The following PPID variants were observed in gnomAD, a reference collection of about 807,000 sequenced individuals.
The protein encoded by PPID is peptidyl-prolyl cis-trans isomerase D.
PPID carries 47 observed loss-of-function variants against 48.1 expected under a neutral mutation model. That is an observed-to-expected ratio of 0.98 (90% confidence interval 0.77 to 1.25). The LOEUF (loss-of-function observed/expected upper bound fraction) is 1.25, where lower values mean the gene tolerates loss of function less well. Among genes scored for constraint, PPID ranks in the 50% most tolerant of loss-of-function variants. The pLI is 0.00. For missense variants in PPID, 429 were observed against 443.5 expected (o/e 0.97, Z 0.29); for synonymous variants, 163 against 148.8 (o/e 1.10, Z -0.69).
intron 1 of PPID, 96 bp downstream of exon 1, chr4:158,723,108 T>C (rs1347374641): frequency 7.9e-7 from 1 of 1,268,270 alleles, no homozygotes; most frequent in Non-Finnish European, 1.1e-6. Flanking sequence ...AACTGAGCAG[T>C]CACCGGCCGG....
In PPID at chr4:158,723,203, C is replaced by T. The variant is rs1449531698; in HGVS notation, c.85+1G>A. The stretch of plus-strand genomic sequence containing the variant: ...TTCCGCGAGCGTCAGACTCCGCTCA[C>T]CTCGCTCCCCTCCGATGTCCACGTC... On this transcript the variant is annotated splice_donor_variant, in intron 1 of 9. Coordinates refer to ENST00000307720, the MANE Select transcript of PPID (RefSeq NM_005038.3). LOFTEE classifies it high-confidence loss of function. The T allele has an allele frequency of 6.2e-7, 1 of 1,613,246 alleles. No homozygotes were observed. Among genetic ancestry groups the T allele is most frequent in the South Asian group, 1.1e-5 (1 of 90,972 alleles).
At chr4:158,721,537 TAAAA>T in intron 1 of PPID, 54 bp from the exon 2 acceptor site, 1 of 1,565,806 alleles carries the variant, frequency 6.4e-7, no homozygotes, top group Admixed American at 1.8e-5. Flanking sequence ...AGACAAATGA[TAAAA>T]AGAAGGTTGG....
rs1423052161 is a variant in PPID at position 158,715,508 on chromosome 4, A to T, written c.645+54T>A. ...AACAAAAGCTCAAACTTTTAGTACT[A>T]AATATTTTCACTTACTAAATTAATT... On this transcript the variant is annotated intron_variant, in intron 5 of 9. Coordinates refer to ENST00000307720, the MANE Select transcript of PPID (RefSeq NM_005038.3). 1.9e-6 allele frequency: 3 copies of T among 1,589,348 alleles called. No homozygotes were observed. In the African/African-American group the frequency reaches 4.1e-5, roughly 21 times the overall value.
intron 7 of PPID, 66 bp downstream of exon 7, chr4:158,713,053 G>A (rs1685514043): frequency 6.6e-7 from 1 of 1,512,316 alleles, no homozygotes; most frequent in African/African-American, 1.4e-5. Context: ...GTATATAAAA[G>A]TTGCTACTAT....
rs774428808 is a variant in PPID at position 158,721,421 on chromosome 4, C to T, written c.148G>A (p.Ala50Thr). Residue 50 changes from alanine to threonine, a missense_variant, in exon 2 of 10, where the codon GCA becomes ACA. Transcript: ENST00000307720. ...ATGCCTTTTTCTCCTGTACACAGTG[C>T]ACGAAAATTTTCCGCAGTTTTGGGT... is the stretch of plus-strand genomic sequence containing the variant. ...IVPKTAENFRALCTGEKGIGH... is the reference protein window; with the variant it reads ...IVPKTAENFRTLCTGEKGIGH... 5.0e-6 allele frequency: 8 copies of T among 1,613,952 alleles called. No homozygotes were observed. The African/African-American group carries it at 1.1e-4, about 22-fold the overall frequency.
intron 3 of PPID, among the ~76,000 whole-genome samples, chr4:158,718,319 T>G (rs1329652853): frequency 1.3e-5 from 2 of 152,212 alleles, no homozygotes; most frequent in Non-Finnish European, 2.9e-5. Flanking sequence ...ACAGCCCAAG[T>G]AGCCATTCCT....
At chr4:158,711,218 CT>C (rs1309798199) in intron 7 of PPID, among the ~76,000 whole-genome samples, 1 of 151,842 alleles carries the variant, frequency 6.6e-6, no homozygotes, top group Non-Finnish European at 1.5e-5. Flanking sequence ...GTTATAAACT[CT>C]TAAGTTTTTG....
intron 1 of PPID, among the ~76,000 whole-genome samples, chr4:158,722,054 C>T (rs1774971895): frequency 6.6e-6 from 1 of 152,182 alleles, no homozygotes; most frequent in South Asian, 2.1e-4. Context: ...ATACAAACTT[C>T]ATTTCCTTTG....
intron 9 of PPID, 108 bp downstream of exon 9, chr4:158,710,520 T>C (rs1191811220): frequency 2.5e-6 from 3 of 1,177,176 alleles, no homozygotes; most frequent in Non-Finnish European, 3.8e-6. Context: ...AGGCATTCTG[T>C]AGTGTCTGTT....
In PPID at chr4:158,715,280, G is replaced by A; in HGVS notation, c.752+17C>T. On this transcript the variant is annotated intron_variant, in intron 6 of 9. Transcript: ENST00000307720. ...ATTTATAATTTCTTAAAAATAATTT[G>A]TTAGAAATAATATTACCTTAAAACT... is the stretch of plus-strand genomic sequence containing the variant. 7.2e-7 allele frequency: 1 copy of A among 1,383,014 alleles called. No individual in the cohort carries two copies. Among genetic ancestry groups the A allele is most frequent in the Non-Finnish European group, 9.6e-7 (1 of 1,045,286 alleles). 85.7% of individuals were successfully genotyped at this position (1,383,014 alleles called of 1,614,324 possible).
At chr4:158,709,934 G>GT (rs1774755072) in intron 9 of PPID, 110 bp from the exon 10 acceptor site, 1 of 771,558 alleles carries the variant, frequency 1.3e-6, no homozygotes, top group African/African-American at 1.8e-5. Context: ...TCTCTACAAA[G>GT]TAACTAAGCC....
chr4:158,709,465 G>T lies in PPID; in HGVS notation c.*271C>A, dbSNP rs779050130. On this transcript the variant is annotated 3_prime_UTR_variant, in exon 10 of 10. Transcript: ENST00000307720. The stretch of plus-strand genomic sequence containing the variant: ...GAGAATTGCTTGAACCCGGGAGGCA[G>T]AGGATGCAGTGAGCCGAGATTGCGC... 116 of 234,636 alleles carry T rather than the reference G, an allele frequency of 4.9e-4. No homozygotes were observed. Among genetic ancestry groups the T allele is most frequent in the Admixed American group, 5.0e-4 (9 of 17,860 alleles). The allele number at this position is 234,636 out of a possible 1,614,324, so 14.5% of individuals were successfully genotyped here.
rs754557537 is a variant in PPID, at chr4:158,721,453, T to C, written c.116A>G (p.Asp39Gly). 4 of 1,614,020 alleles carry C rather than the reference T, an allele frequency of 2.5e-6. No homozygotes were observed. Among genetic ancestry groups the C allele is most frequent in the Admixed American group, 1.7e-5 (1 of 60,004 alleles). The change falls in exon 2 of 10, where the codon GAT (aspartate) becomes GGT (glycine). Residue 39 changes from aspartate (D) to glycine (G), a missense_variant. Coordinates refer to ENST00000307720, the MANE Select transcript of PPID (RefSeq NM_005038.3). ...ATTTTCCGCAGTTTTGGGTACGATA[T>C]CTGCAAACAATTCTAAGACAATTCG... ...VGRIVLELFA[D>G]IVPKTAENFR...
At chr4:158,713,601 G>T (rs1774824367) in intron 6 of PPID, among the ~76,000 whole-genome samples, 1 of 152,162 alleles carries the variant, frequency 6.6e-6, no homozygotes, top group African/African-American at 2.4e-5. Flanking sequence ...TTCAGTAGAG[G>T]AAAGATGAAG....
intron 1 of PPID, among the ~76,000 whole-genome samples, chr4:158,722,184 T>C (rs1013520001): frequency 3.9e-5 from 6 of 152,240 alleles, no homozygotes; most frequent in African/African-American, 7.2e-5. Flanking sequence ...TAACCAATTA[T>C]AGTAGCCAAA....
rs1438276142 is a variant in PPID, at chr4:158,709,828, T to C, written c.1025-4A>G. ...TTCAGCAATTCTGCCTGGATAGCTG[T>C]AAAATAAATATGCAATGTGAGTTAT... On this transcript the variant is annotated splice_region_variant and splice_polypyrimidine_tract_variant and intron_variant, in intron 9 of 9. Coordinates refer to ENST00000307720, the MANE Select transcript of PPID (RefSeq NM_005038.3). 5.6e-6 allele frequency: 9 copies of C among 1,594,476 alleles called. No homozygotes were observed. Among genetic ancestry groups the C allele is most frequent in the Non-Finnish European group, 7.7e-6 (9 of 1,164,082 alleles).
At chr4:158,721,943 A>T (rs559609696) in intron 1 of PPID, among the ~76,000 whole-genome samples, 13 of 152,204 alleles carry the variant, frequency 8.5e-5, no homozygotes, top group East Asian at 1.9e-4. Context: ...ATCAAATTTT[A>T]AAAAAAATCC....
chr4:158,723,284 G>C lies in PPID; in HGVS notation c.5C>G (p.Ser2Trp), dbSNP rs1229416573. ...GGGCTTGGCTTGGGGGGACGGGTGCGACATCTTGACTTGCAGACGTGTTTA... is the reference window on the plus strand; with the variant it reads ...GGGCTTGGCTTGGGGGGACGGGTGCCACATCTTGACTTGCAGACGTGTTTA... The part of the protein sequence containing the change: M[S>W]HPSPQAKPSN... Residue 2 changes from serine (S) to tryptophan (W), a missense_variant, in exon 1 of 10, where the codon TCG (serine) becomes TGG (tryptophan). Physicochemically the swap from Ser to Trp is radical, Grantham distance 177. Transcript: ENST00000307720. 9.9e-6 allele frequency: 16 copies of C among 1,613,564 alleles called. No individual in the cohort carries two copies. Among genetic ancestry groups the C allele is most frequent in the Non-Finnish European group, 1.3e-5 (15 of 1,179,814 alleles).
intron 8 of PPID, 36 bp downstream of exon 8, chr4:158,710,726 T>TA: frequency 6.2e-7 from 1 of 1,609,774 alleles, no homozygotes; most frequent in African/African-American, 1.3e-5. Context: ...GGTAGTTGTC[T>TA]ATTTTAAAAA....
Sources: allele counts gnomAD v4.1 joint callset (sites outside exome capture counted in the v4.1 genomes callset), GRCh38; gene constraint gnomAD v4.1.1; transcripts MANE v1.5; gene names NCBI Gene and HGNC (gene_info 2026-07-23, HGNC 2026-07-21).